The following CSMD3 variants were observed in gnomAD, a reference collection of about 807,000 sequenced individuals.
The protein encoded by CSMD3 is CUB and sushi domain-containing protein 3.
CSMD3 carries 177 observed loss-of-function variants against 435.2 expected under a neutral mutation model. That is an observed-to-expected ratio of 0.41 (90% confidence interval 0.36 to 0.46). The LOEUF is 0.46. Ranked by LOEUF, CSMD3 falls within the 20% of genes least tolerant of loss-of-function variation. The probability of loss-of-function intolerance (pLI) is 0.34; values close to 1 mark genes in which losing one functional copy is unlikely to be tolerated. For missense variants in CSMD3, 4,265 were observed against 4,504.6 expected (o/e 0.95, Z 1.52); for synonymous variants, 1,656 against 1,520.5 (o/e 1.09, Z -2.07).
At chr8:112,336,457 C>T (rs1054874097) in intron 44 of CSMD3, among the ~76,000 whole-genome samples, 195 bp downstream of exon 44, 2 of 152,090 alleles carry the variant, frequency 1.3e-5, no homozygotes, top group African/African-American at 4.8e-5. Context: ...TTACCTAGTT[C>T]ATGGGGCAAA....
intron 36 of CSMD3, among the ~76,000 whole-genome samples, chr8:112,389,875 A>T (rs1375527230): frequency 6.6e-6 from 1 of 152,212 alleles, no homozygotes; most frequent in African/African-American, 2.4e-5. Flanking sequence ...ATCTTTATGT[A>T]AAACAGAATA....
chr8:113,400,813 C>A (rs907835827), intron 1 of CSMD3, among the ~76,000 whole-genome samples: 5 of 151,748 alleles, frequency 3.3e-5, no homozygotes, highest in Non-Finnish European at 7.4e-5. Context: ...ATAGAGCTCC[C>A]CTAAACAATT....
intron 23 of CSMD3, among the ~76,000 whole-genome samples, chr8:112,576,267 G>A (rs1472534062): frequency 6.6e-6 from 1 of 151,904 alleles, no homozygotes; most frequent in Non-Finnish European, 1.5e-5. Context: ...ATCTTCAGGA[G>A]TAATGAAAAG....
At position 112,295,968 on chromosome 8, in the gene CSMD3, G is replaced by T. The variant is rs1490103001; in HGVS notation, c.8479C>A (p.Gln2827Lys). 1 of 1,613,420 alleles carries T rather than the reference G, an allele frequency of 6.2e-7. No individual in the cohort carries two copies. The highest frequency in any genetic ancestry group is 1.1e-5 in the South Asian group (1 of 91,050). The change falls in exon 54 of 71, where the codon CAA becomes AAA. Residue 2827 changes from glutamine (Q) to lysine (K), a missense_variant. By Grantham distance (53) the Gln-to-Lys change is moderately conservative. Transcript: ENST00000297405. ...TATCCATAATTTTCTCCAATGACTTGACCATTCACAATCAGTTCTGGAATT... is the reference window on the plus strand; with the variant it reads ...TATCCATAATTTTCTCCAATGACTTTACCATTCACAATCAGTTCTGGAATT... ...CGIPELIVNG[Q>K]VIGENYGYRD...
intron 5 of CSMD3, among the ~76,000 whole-genome samples, chr8:113,077,195 A>G (rs543085040): frequency 1.3e-5 from 2 of 152,298 alleles, no homozygotes; most frequent in African/African-American, 4.8e-5. Flanking sequence ...CTGTGATATC[A>G]TACTATAGTT....
intron 69 of CSMD3, among the ~76,000 whole-genome samples, chr8:112,230,833 TC>T (rs1268208058): frequency 6.6e-6 from 1 of 152,054 alleles, no homozygotes; most frequent in Non-Finnish European, 1.5e-5. Context: ...AAAAAAAAGT[TC>T]ATTTCTTAAA....
chr8:113,006,325 G>A (rs935682734), intron 6 of CSMD3, among the ~76,000 whole-genome samples: 2 of 151,980 alleles, frequency 1.3e-5, no homozygotes, highest in Non-Finnish European at 1.5e-5. Flanking sequence ...GGCACAGCAA[G>A]AGTTTAAAAG....
Position 112,408,950 on chromosome 8 carries a change from A to G in CSMD3, c.5478T>C (p.Ser1826=), listed in dbSNP as rs1276619098. ...GGGATCCTGAGAGGGAAGATAACAG[A>G]GAAGATTGCTGAGTTGGCCCATCAT... The part of the protein sequence containing the change: ...EVYDGPTQQS[S]LLSSLSGSHS... The change falls in exon 33 of 71, where the codon TCT becomes TCC. Residue 1826 remains serine, a synonymous_variant. Coordinates refer to ENST00000297405, the MANE Select transcript of CSMD3 (RefSeq NM_198123.2). The G allele has an allele frequency of 2.5e-6, 4 of 1,613,538 alleles. No individual in the cohort carries two copies. Among genetic ancestry groups the G allele is most frequent in the African/African-American group, 2.7e-5 (2 of 74,892 alleles).
chr8:112,797,772 C>T (rs991420582), intron 13 of CSMD3, among the ~76,000 whole-genome samples: 12 of 151,692 alleles, frequency 7.9e-5, no homozygotes, highest in Non-Finnish European at 1.3e-4. Flanking sequence ...TCAACGTGAA[C>T]CCTACTTCAA....
intron 69 of CSMD3, 26 bp downstream of exon 69, chr8:112,231,519 C>A: frequency 7.4e-7 from 1 of 1,348,138 alleles, no homozygotes; most frequent in South Asian, 1.2e-5. Context: ...AACAGAAGTT[C>A]GTGAAAATCA....
chr8:112,653,577 GAAATAA>G (rs1352536992), intron 18 of CSMD3, among the ~76,000 whole-genome samples: 2 of 150,918 alleles, frequency 1.3e-5, no homozygotes, highest in African/African-American at 4.9e-5. Flanking sequence ...AAAAACTATA[GAAATAA>G]AAATAAATTA....
intron 32 of CSMD3, among the ~76,000 whole-genome samples, chr8:112,422,133 T>G (rs1812584596): frequency 6.6e-6 from 1 of 151,806 alleles, no homozygotes; most frequent in Non-Finnish European, 1.5e-5. Flanking sequence ...CTGAGAAAAC[T>G]TAAGGTCAAA....
At chr8:113,017,739 C>T (rs905867070) in intron 6 of CSMD3, among the ~76,000 whole-genome samples, 1 of 151,954 alleles carries the variant, frequency 6.6e-6, no homozygotes, top group Non-Finnish European at 1.5e-5. Flanking sequence ...CTCTAAAGTA[C>T]ACAAACTTTT....
In CSMD3 at chr8:113,294,942, G is replaced by C. The variant is rs115708733; in HGVS notation, c.402-16238C>G. Among the ~76,000 whole-genome samples, 780 of 152,196 alleles carry C rather than the reference G, an allele frequency of 5.1e-3. 12 individuals carry two copies. The highest frequency in any genetic ancestry group is 0.018 in the African/African-American group (754 of 41,532). On this transcript the variant is annotated intron_variant, in intron 2 of 70. Transcript: ENST00000297405. ...AAACATCATGTGGGTGTCATGTACT[G>C]AGTTAATGTTTTACACATTTAATCC...
At chr8:112,434,549 T>A (rs1336561747) in intron 32 of CSMD3, among the ~76,000 whole-genome samples, 1 of 152,130 alleles carries the variant, frequency 6.6e-6, no homozygotes, top group African/African-American at 2.4e-5. Flanking sequence ...GTATTGTTAT[T>A]AATATTTGTA....
At chr8:112,458,452 C>A (rs1440239706) in intron 32 of CSMD3, among the ~76,000 whole-genome samples, 1 of 151,996 alleles carries the variant, frequency 6.6e-6, no homozygotes, top group Admixed American at 6.6e-5. Flanking sequence ...TAGATAAGAA[C>A]ATTTCTTCCA....
At chr8:112,771,842 T>C (rs1394228056) in intron 13 of CSMD3, among the ~76,000 whole-genome samples, 2 of 150,804 alleles carry the variant, frequency 1.3e-5, no homozygotes, top group South Asian at 2.1e-4. Flanking sequence ...TAGAAAAAAG[T>C]CAATCACATC....
chr8:112,915,354 T>C (rs553195927), intron 10 of CSMD3, among the ~76,000 whole-genome samples: 1 of 151,918 alleles, frequency 6.6e-6, no homozygotes, highest in East Asian at 1.9e-4. Context: ...TTTATCCCCA[T>C]TAAATTTCAA....
chr8:113,340,639 C>T (rs142174800), intron 1 of CSMD3, among the ~76,000 whole-genome samples: 23 of 152,116 alleles, frequency 1.5e-4, no homozygotes, highest in African/African-American at 4.3e-4. Flanking sequence ...CTTTGAGAGG[C>T]GAAGTAGGGT....
Sources: gnomAD v4.1 joint callset for allele counts (sites outside exome capture counted in the v4.1 genomes callset) on GRCh38, gnomAD v4.1.1 for gene constraint, MANE v1.5 for transcripts, NCBI Gene and HGNC (gene_info 2026-07-23, HGNC 2026-07-21) for gene names.